SLC7A14: variants seen among roughly 807,000 people sequenced by gnomAD.
SLC7A14 encodes the protein gamma-aminobutyric acid transporter SLC7A14.
In SLC7A14, 37 loss-of-function variants were observed where a neutral mutation model predicts 60.2. The observed-to-expected ratio is 0.61, with a 90% CI of 0.47 to 0.81. The LOEUF is 0.81. Among genes scored for constraint, SLC7A14 ranks in the 30% least tolerant of loss-of-function variants. SLC7A14 has a pLI of 0.00. For synonymous variants in SLC7A14, 399 were observed against 395.8 expected, an observed-to-expected ratio of 1.01 and a Z score of -0.10; for missense variants, 886 against 982.7, an observed-to-expected ratio of 0.90 and a Z score of 1.32.
Position 170,467,273 on chromosome 3 carries a change from C to A in SLC7A14, c.2098G>T (p.Asp700Tyr). The A allele has an allele frequency of 6.2e-7, 1 of 1,614,256 alleles. No individual in the cohort carries two copies. The highest frequency in any genetic ancestry group is 8.5e-7 in the Non-Finnish European group (1 of 1,180,040). Residue 700 changes from aspartate (D) to tyrosine (Y), a missense_variant, in exon 8 of 8, where the codon GAC becomes TAC. Asp to Tyr is a radical substitution (Grantham distance 160). Coordinates refer to ENST00000231706, the MANE Select transcript of SLC7A14 (RefSeq NM_020949.3). ...QSTYQRYDVD[D>Y]PFSVEEGFSY... ...AAACCCTCCTCCACTGAGAAGGGGTCATCCACGTCGTAGCGTTGGTACGTG... is the reference window on the plus strand; with the variant it reads ...AAACCCTCCTCCACTGAGAAGGGGTAATCCACGTCGTAGCGTTGGTACGTG...
chr3:170,567,743 A>T (rs1403423196), intron 1 of SLC7A14, among the ~76,000 whole-genome samples: 2 of 151,838 alleles, frequency 1.3e-5, no homozygotes, highest in East Asian at 3.9e-4. Flanking sequence ...TTTGATTTGC[A>T]TTTCTCTGAT....
intron 1 of SLC7A14, among the ~76,000 whole-genome samples, chr3:170,544,094 C>T (rs891241842): frequency 1.1e-4 from 16 of 151,960 alleles, no homozygotes; most frequent in Non-Finnish European, 1.6e-4. Flanking sequence ...ATAAATAAGC[C>T]TCCACATTCG....
intron 7 of SLC7A14, among the ~76,000 whole-genome samples, chr3:170,467,743 C>T (rs563816870): frequency 3.3e-5 from 5 of 152,242 alleles, no homozygotes; most frequent in South Asian, 2.1e-4. Context: ...ATGCTGACGT[C>T]GGGCTCATTA....
chr3:170,560,680 A>G (rs1365204527), intron 1 of SLC7A14, among the ~76,000 whole-genome samples: 1 of 152,220 alleles, frequency 6.6e-6, no homozygotes, highest in African/African-American at 2.4e-5. Context: ...GTTTTGGTTC[A>G]TGGAAAACAA....
Position 170,463,442 on chromosome 3 carries a change from C to T in SLC7A14, c.*3613G>A, listed in dbSNP as rs1025448254. On this transcript the variant is annotated 3_prime_UTR_variant, in exon 8 of 8. Coordinates refer to ENST00000231706, the MANE Select transcript of SLC7A14 (RefSeq NM_020949.3). ...AAGGCCTTCTTCATATTTGACCCCC[C>T]ACAGCACATTACAAGTCCGTCATCT... 2 of 152,196 alleles carry T rather than the reference C, an allele frequency of 1.3e-5. No homozygotes were observed. The highest frequency in any genetic ancestry group is 2.9e-5 in the Non-Finnish European group (2 of 68,048). 9.4% of individuals were successfully genotyped at this position (152,196 alleles called of 1,614,324 possible). A position where few individuals can be genotyped will look rare whatever the true frequency, so the allele number is the denominator to read the frequency against.
At chr3:170,547,440 A>G (rs987597870) in intron 1 of SLC7A14, among the ~76,000 whole-genome samples, 11 of 152,236 alleles carry the variant, frequency 7.2e-5, no homozygotes, top group Non-Finnish European at 1.0e-4. Context: ...TACCAACACC[A>G]TAAATGGTCA....
chr3:170,515,388 C>T (rs192716243), intron 2 of SLC7A14, among the ~76,000 whole-genome samples: 40 of 151,682 alleles, frequency 2.6e-4, no homozygotes, highest in Admixed American at 1.3e-3. Context: ...TATAAAAGGG[C>T]GAGGCTGCTC....
intron 1 of SLC7A14, among the ~76,000 whole-genome samples, chr3:170,528,443 T>C (rs1341783788): frequency 1.3e-5 from 2 of 152,246 alleles, no homozygotes; most frequent in African/African-American, 4.8e-5. Context: ...CCAAATACTG[T>C]ACTGACAAGC....
chr3:170,467,174 G>C lies in SLC7A14; in HGVS notation c.2197C>G (p.Gln733Glu). 2 of 1,614,226 alleles carry C rather than the reference G, an allele frequency of 1.2e-6. No individual in the cohort carries two copies. Among genetic ancestry groups the C allele is most frequent in the Middle Eastern group, 1.6e-4 (1 of 6,062 alleles). ...PTEDKGFYYQ[Q>E]MSDAKANGRT... ...CCGTTTGCCTTCGCATCTGACATCT[G>C]TTGGTAATAGAAGCCTTTGTCTTCA... The change falls in exon 8 of 8, where the codon CAG (glutamine) becomes GAG (glutamate). Residue 733 changes from glutamine to glutamate, a missense_variant. Transcript: ENST00000231706.
At chr3:170,544,768 A>T (rs1331144499) in intron 1 of SLC7A14, among the ~76,000 whole-genome samples, 3 of 152,196 alleles carry the variant, frequency 2.0e-5, no homozygotes, top group African/African-American at 7.2e-5. Context: ...TGTGAGAGAG[A>T]TACTATTTTT....
chr3:170,473,445 G>A (rs1211894456), intron 7 of SLC7A14, among the ~76,000 whole-genome samples: 1 of 152,216 alleles, frequency 6.6e-6, no homozygotes, highest in Non-Finnish European at 1.5e-5. Context: ...TTAGAACCGA[G>A]AGAGGTGGGC....
intron 3 of SLC7A14, among the ~76,000 whole-genome samples, chr3:170,499,616 A>G (rs147862111): frequency 2.0e-3 from 297 of 151,804 alleles, no homozygotes; most frequent in African/African-American, 6.9e-3. Flanking sequence ...TTTATCAACA[A>G]TTTTAAGAAT....
intron 1 of SLC7A14, among the ~76,000 whole-genome samples, chr3:170,571,583 T>G (rs2108315339): frequency 6.6e-6 from 1 of 152,346 alleles, no homozygotes; most frequent in East Asian, 1.9e-4. Flanking sequence ...TTGTTTTTAT[T>G]TTAGCAACAA....
Position 170,563,457 on chromosome 3 carries a change from G to A in SLC7A14, c.-153+22454C>T, listed in dbSNP as rs186848639. On this transcript the variant is annotated intron_variant, in intron 1 of 7. Transcript: ENST00000231706. Reference sequence around the variant, plus strand: ...TTTTGAGATGGAGTCTTACTCTGTCGCCCAGGCTGGAGTGCAATGGTGCGA... The same window carrying A: ...TTTTGAGATGGAGTCTTACTCTGTCACCCAGGCTGGAGTGCAATGGTGCGA... Among the ~76,000 whole-genome samples, 170 of 135,698 alleles carry A rather than the reference G, an allele frequency of 1.3e-3. 3 individuals are homozygous for A. Among genetic ancestry groups the A allele is most frequent in the African/African-American group, 4.1e-3 (153 of 36,970 alleles). 89.0% of individuals were successfully genotyped at this position (135,698 alleles called of 152,430 possible). A position where few individuals can be genotyped will look rare whatever the true frequency, so the allele number is the denominator to read the frequency against.
chr3:170,510,047 C>T, intron 2 of SLC7A14, among the ~76,000 whole-genome samples: 1 of 145,648 alleles, frequency 6.9e-6, no homozygotes, highest in Non-Finnish European at 1.5e-5. Context: ...CACTGCTCTC[C>T]AGCCTGGACA....
At chr3:170,516,904 C>T (rs1337854905) in intron 2 of SLC7A14, among the ~76,000 whole-genome samples, 1 of 152,174 alleles carries the variant, frequency 6.6e-6, no homozygotes, top group Non-Finnish European at 1.5e-5. Flanking sequence ...CTGGACAAGT[C>T]ACCTAACCTC....
intron 2 of SLC7A14, among the ~76,000 whole-genome samples, chr3:170,519,515 G>A (rs962901827): frequency 7.9e-5 from 12 of 152,196 alleles, no homozygotes; most frequent in Non-Finnish European, 1.3e-4. Context: ...AGTGGCTCAC[G>A]CCTGTAATCC....
chr3:170,497,106 A>G (rs986378632), intron 4 of SLC7A14, among the ~76,000 whole-genome samples: 14 of 146,984 alleles, frequency 9.5e-5, no homozygotes, highest in Admixed American at 2.1e-4. Context: ...AAAAAAAAAA[A>G]AAAAGAAAGA....
At chr3:170,506,366 T>C (rs781172226) in intron 2 of SLC7A14, among the ~76,000 whole-genome samples, 1 of 152,264 alleles carries the variant, frequency 6.6e-6, no homozygotes, top group Non-Finnish European at 1.5e-5. Context: ...CCCAGAACTA[T>C]TTGTGGTTAA....
Sources: allele counts gnomAD v4.1 joint callset (sites outside exome capture counted in the v4.1 genomes callset), GRCh38; gene constraint gnomAD v4.1.1; transcripts MANE v1.5; gene names NCBI Gene and HGNC (gene_info 2026-07-23, HGNC 2026-07-21).